The following SPICE1 variants were observed in gnomAD, a reference collection of about 807,000 sequenced individuals.
SPICE1 encodes spindle and centriole associated protein 1.
In SPICE1, 75 loss-of-function variants were observed where a neutral mutation model predicts 102.7. That is an observed-to-expected ratio of 0.73 (90% CI 0.61 to 0.88). SPICE1 has a LOEUF of 0.88. SPICE1 is among the 40% of genes least tolerant of loss of function. The probability of loss-of-function intolerance (pLI) is 0.00; values close to 1 mark genes in which losing one functional copy is unlikely to be tolerated. For synonymous variants in SPICE1, 308 were observed against 350.3 expected (o/e 0.88, Z 1.35); for missense variants, 979 against 1,020.1 (o/e 0.96, Z 0.55).
At chr3:113,479,612 T>C (rs948256261) in intron 7 of SPICE1, among the ~76,000 whole-genome samples, 3 of 151,768 alleles carry the variant, frequency 2.0e-5, no homozygotes, top group South Asian at 2.1e-4. Flanking sequence ...AATGTTCCTA[T>C]TTCTCCACAT....
intron 7 of SPICE1, among the ~76,000 whole-genome samples, chr3:113,484,225 G>C (rs956927248): frequency 3.9e-5 from 6 of 152,088 alleles, no homozygotes; most frequent in Non-Finnish European, 7.4e-5. Context: ...GATCAGTGGT[G>C]ATATCCCCTT....
chr3:113,457,036 G>A, intron 13 of SPICE1, 100 bp downstream of exon 13: 2 of 1,178,784 alleles, frequency 1.7e-6, no homozygotes. Context: ...GGTAATCAGT[G>A]TCTTTTTCAA....
intron 4 of SPICE1, chr3:113,499,167 AAAT>A: frequency 7.6e-6 from 2 of 262,802 alleles, no homozygotes; most frequent in African/African-American, 2.2e-5. Flanking sequence ...CAATACAAGC[AAAT>A]AATAATTTTA....
Position 113,450,533 on chromosome 3 carries a change from A to G in SPICE1, c.2143-17T>C, listed in dbSNP as rs765102593. 6.4e-7 allele frequency: 1 copy of G among 1,561,682 alleles called. No homozygotes were observed. The highest frequency in any genetic ancestry group is 1.2e-5 in the South Asian group (1 of 83,680). ...TGGAAAAGTCTTTGGGAGAAAAAAA[A>G]AAAAAGTACAAATTGAATACTGAAT... is the stretch of plus-strand genomic sequence containing the variant. On this transcript the variant is annotated splice_polypyrimidine_tract_variant and intron_variant, in intron 14 of 17. Transcript: ENST00000295872.
Position 113,468,064 on chromosome 3 carries a change from T to C in SPICE1, c.1155+75A>G, listed in dbSNP as rs112118766. 6.5e-3 allele frequency: 9,956 copies of C among 1,532,448 alleles called. 578 individuals carry two copies. The African/African-American group carries it at 0.12, about 19-fold the overall frequency. 94.9% of individuals were successfully genotyped at this position (1,532,448 alleles called of 1,614,324 possible). A position where few individuals can be genotyped will look rare whatever the true frequency, so the allele number is the denominator to read the frequency against. On this transcript the variant is annotated intron_variant, in intron 10 of 17. Coordinates refer to ENST00000295872, the MANE Select transcript of SPICE1 (RefSeq NM_144718.4). ...ATTTGACTGTACTTTATTTGGAGGTTGCAATAAATGGAAAGGAAAAAAAAC... is the reference window on the plus strand; with the variant it reads ...ATTTGACTGTACTTTATTTGGAGGTCGCAATAAATGGAAAGGAAAAAAAAC...
chr3:113,485,409 C>T (rs1440342534), intron 7 of SPICE1, among the ~76,000 whole-genome samples: 1 of 152,094 alleles, frequency 6.6e-6, no homozygotes, highest in Non-Finnish European at 1.5e-5. Flanking sequence ...GGGGCAGCTG[C>T]CATTGCTGAG....
chr3:113,446,261 T>C (rs1387774456), intron 17 of SPICE1, among the ~76,000 whole-genome samples: 1 of 152,082 alleles, frequency 6.6e-6, no homozygotes, highest in Non-Finnish European at 1.5e-5. Flanking sequence ...GGGGAACCAA[T>C]AGCTCAGTAG....
At chr3:113,493,389 T>C (rs1316176230) in intron 5 of SPICE1, 77 bp from the exon 6 acceptor site, 2 of 1,113,304 alleles carry the variant, frequency 1.8e-6, no homozygotes, top group Non-Finnish European at 2.7e-6. Context: ...CTGCCATTGG[T>C]TTGCATCATC....
At chr3:113,448,162 T>C in intron 15 of SPICE1, 22 bp from the exon 16 acceptor site, 2 of 1,558,278 alleles carry the variant, frequency 1.3e-6, no homozygotes. Context: ...AAATAAATAT[T>C]AGTTCCATTA....
chr3:113,506,886 G>A (rs568795272), intron 1 of SPICE1, among the ~76,000 whole-genome samples: 3 of 152,196 alleles, frequency 2.0e-5, no homozygotes, highest in Admixed American at 2.0e-4. Flanking sequence ...CTAAAGCCGA[G>A]AACTAAGACA....
intron 12 of SPICE1, 33 bp from the exon 13 acceptor site, chr3:113,457,390 G>A: frequency 6.3e-7 from 1 of 1,598,018 alleles, no homozygotes. Context: ...AGTACAATAG[G>A]AACAAAAAGA....
intron 7 of SPICE1, among the ~76,000 whole-genome samples, chr3:113,488,696 G>A (rs1464133559): frequency 6.6e-6 from 1 of 152,180 alleles, no homozygotes; most frequent in East Asian, 1.9e-4. Context: ...GCATGCATGT[G>A]TGTGCATACT....
rs564122992 is a variant in SPICE1, at chr3:113,501,043, G to A, written c.148-1461C>T. Reference sequence around the variant, plus strand: ...AAACGACAGTAATCAAGACAATGTGGTACTGGCATAAGGATTGACATATAA... The same window carrying A: ...AAACGACAGTAATCAAGACAATGTGATACTGGCATAAGGATTGACATATAA... On this transcript the variant is annotated intron_variant, in intron 3 of 17. Coordinates refer to ENST00000295872, the MANE Select transcript of SPICE1 (RefSeq NM_144718.4). Among the ~76,000 whole-genome samples, 3 of 152,264 alleles carry A rather than the reference G, an allele frequency of 2.0e-5. No homozygotes were observed. The East Asian group carries it at 5.8e-4, about 29-fold the overall frequency.
chr3:113,479,502 G>A (rs1215444719), intron 7 of SPICE1, among the ~76,000 whole-genome samples: 1 of 151,878 alleles, frequency 6.6e-6, no homozygotes, highest in African/African-American at 2.4e-5. Context: ...GTAATGGGAT[G>A]GCTGGGTCAA....
Position 113,465,668 on chromosome 3 carries a change from T to C in SPICE1, c.1272A>G (p.Glu424=), listed in dbSNP as rs760915219. The stretch of plus-strand genomic sequence containing the variant: ...ATCTGAGTACCTGTGTAGCAGCGTT[T>C]TCTTCTCTAAGACGAAGAATTTCAG... ...LTAEILRLRE[E]NAATQARLQQ... The change falls in exon 11 of 18, where the codon GAA becomes GAG. Residue 424 remains glutamate (E), a synonymous_variant. Transcript: ENST00000295872. 10 of 1,613,736 alleles carry C rather than the reference T, an allele frequency of 6.2e-6. No homozygotes were observed. Among genetic ancestry groups the C allele is most frequent in the Non-Finnish European group, 8.5e-6 (10 of 1,179,888 alleles).
chr3:113,486,270 C>T (rs1936646434), intron 7 of SPICE1, among the ~76,000 whole-genome samples: 1 of 146,280 alleles, frequency 6.8e-6, no homozygotes, highest in South Asian at 2.1e-4. Context: ...AAAATTGACA[C>T]CTAACATCAC....
rs183439586 is a variant in SPICE1 at position 113,460,223 on chromosome 3, C to T, written c.1435+394G>A. 111 of 985,332 alleles carry T rather than the reference C, an allele frequency of 1.1e-4. No individual in the cohort carries two copies. The African/African-American group carries it at 1.6e-3, about 15-fold the overall frequency. 61.0% of individuals were successfully genotyped at this position (985,332 alleles called of 1,614,324 possible). On this transcript the variant is annotated intron_variant, in intron 12 of 17. Transcript: ENST00000295872. ...TTTTCTCTTTCCAAAACCATCTCTT[C>T]TAAATCTAGAGCACTGGGATTAAAA...
intron 2 of SPICE1, 112 bp from the exon 3 acceptor site, chr3:113,503,339 T>A (rs1490552079): frequency 1.7e-5 from 18 of 1,028,604 alleles, no homozygotes; most frequent in Non-Finnish European, 2.3e-5. Flanking sequence ...GGACCAAAAA[T>A]TCTTTCTTTC....
At chr3:113,494,179 T>G (rs1484594900) in intron 4 of SPICE1, 37 bp from the exon 5 acceptor site, 2 of 1,398,092 alleles carry the variant, frequency 1.4e-6, no homozygotes, top group African/African-American at 2.9e-5. Flanking sequence ...ATTATTCAGA[T>G]TATATTTACT....
Sources: gnomAD v4.1 joint callset for allele counts (sites outside exome capture counted in the v4.1 genomes callset) on GRCh38, gnomAD v4.1.1 for gene constraint, MANE v1.5 for transcripts, NCBI Gene and HGNC (gene_info 2026-07-23, HGNC 2026-07-21) for gene names.